Variants in PRR16 observed in about 807,000 individuals in gnomAD.
The protein encoded by PRR16 is protein Largen.
Under a neutral mutation model 18.2 loss-of-function variants are expected in PRR16, and 6 were observed. That is an observed-to-expected ratio of 0.33 (90% confidence interval 0.18 to 0.65). The LOEUF (loss-of-function observed/expected upper bound fraction) is 0.65, where lower values mean the gene tolerates loss of function less well. Ranked by LOEUF, PRR16 falls within the 30% of genes least tolerant of loss-of-function variation. PRR16 has a pLI of 0.74. For missense variants in PRR16, 412 were observed against 376.6 expected (o/e 1.09, Z -0.78); for synonymous variants, 151 against 147.8 (o/e 1.02, Z -0.16).
chr5:120,663,956 T>C (rs550180196), intron 1 of PRR16, among the ~76,000 whole-genome samples: 45 of 151,758 alleles, frequency 3.0e-4, no homozygotes, highest in Non-Finnish European at 5.8e-4. Context: ...ACTTAAAAAA[T>C]CAACTATATT....
At chr5:120,516,618 G>A (rs1240424035) in intron 1 of PRR16, among the ~76,000 whole-genome samples, 9 of 152,012 alleles carry the variant, frequency 5.9e-5, no homozygotes, top group South Asian at 2.1e-4. Flanking sequence ...AAAGTATGGC[G>A]TGCATGGACG....
intron 1 of PRR16, among the ~76,000 whole-genome samples, chr5:120,580,403 C>T (rs1315329153): frequency 6.6e-6 from 1 of 151,462 alleles, no homozygotes; most frequent in Non-Finnish European, 1.5e-5. Flanking sequence ...GAGATATATT[C>T]CATCAATACC....
intron 1 of PRR16, among the ~76,000 whole-genome samples, chr5:120,516,293 C>T (rs1007035823): frequency 1.3e-4 from 19 of 151,832 alleles, no homozygotes; most frequent in African/African-American, 3.9e-4. Context: ...GGTGTGGTGG[C>T]GGGTACCTGT....
At chr5:120,519,226 T>C (rs1317129547) in intron 1 of PRR16, among the ~76,000 whole-genome samples, 2 of 152,150 alleles carry the variant, frequency 1.3e-5, no homozygotes, top group Admixed American at 1.3e-4. Context: ...TTCAATACAG[T>C]ATTAATTTAT....
chr5:120,710,281 G>A, the PRR16 span, among the ~76,000 whole-genome samples: 60 of 152,234 alleles, frequency 3.9e-4, no homozygotes, highest in African/African-American at 1.3e-3. Context: ...ACCGGCTGGT[G>A]CATAGTACAT....
intron 1 of PRR16, among the ~76,000 whole-genome samples, chr5:120,657,901 G>A (rs539040766): frequency 1.3e-5 from 2 of 151,828 alleles, no homozygotes; most frequent in Non-Finnish European, 2.9e-5. Flanking sequence ...TCGCCATATG[G>A]GAAGGATATT....
At chr5:120,650,565 G>A (rs1323443577) in intron 1 of PRR16, among the ~76,000 whole-genome samples, 3 of 148,348 alleles carry the variant, frequency 2.0e-5, no homozygotes, top group Non-Finnish European at 4.4e-5. Context: ...ACCTATGAGT[G>A]AGAACATGTG....
chr5:120,493,646 A>T (rs1750143077), intron 1 of PRR16, among the ~76,000 whole-genome samples: 1 of 152,194 alleles, frequency 6.6e-6, no homozygotes, highest in Middle Eastern at 3.4e-3. Context: ...TGCCACAAGG[A>T]TCTCTCCTAT....
At chr5:120,573,738 G>C (rs899367837) in intron 1 of PRR16, among the ~76,000 whole-genome samples, 3 of 152,124 alleles carry the variant, frequency 2.0e-5, no homozygotes, top group African/African-American at 7.2e-5. Flanking sequence ...TACTCAAAAT[G>C]TCTGCAGCCA....
intron 1 of PRR16, among the ~76,000 whole-genome samples, chr5:120,476,561 T>C (rs1243141073): frequency 1.3e-5 from 2 of 152,254 alleles, no homozygotes; most frequent in South Asian, 2.1e-4. Flanking sequence ...AACTTGAAAA[T>C]TCAATTGCAT....
At chr5:120,709,832 A>G in the PRR16 span, among the ~76,000 whole-genome samples, 3 of 152,182 alleles carry the variant, frequency 2.0e-5, no homozygotes, top group Non-Finnish European at 4.4e-5. Flanking sequence ...TTTATTGCTC[A>G]ATAATATTCC....
In PRR16 at chr5:120,491,790, C is replaced by T. The variant is rs184803756; in HGVS notation, c.159+27145C>T. ...AACTGCTGACCTCAGGCAGTCTGCC[C>T]GCCTTGGCCTCCCAAAGTGCTGAGA... On this transcript the variant is annotated intron_variant, in intron 1 of 1. Coordinates refer to ENST00000407149, the MANE Select transcript of PRR16 (RefSeq NM_001300783.2). Among the ~76,000 whole-genome samples the T allele has an allele frequency of 1.1e-3, 175 of 152,256 alleles. 1 individual carries two copies. Among genetic ancestry groups the T allele is most frequent in the Middle Eastern group, 3.4e-3 (1 of 294 alleles).
the PRR16 span, among the ~76,000 whole-genome samples, chr5:120,758,709 G>A: frequency 1.3e-5 from 2 of 151,976 alleles, no homozygotes; most frequent in East Asian, 1.9e-4. Context: ...CCTCCTGTTG[G>A]TGTAACTGTC....
At chr5:120,656,244 A>G (rs777509459) in intron 1 of PRR16, among the ~76,000 whole-genome samples, 2 of 151,910 alleles carry the variant, frequency 1.3e-5, no homozygotes, top group Non-Finnish European at 2.9e-5. Context: ...TCTTCAGGCA[A>G]TCATGGAAGA....
chr5:120,593,119 G>T (rs1005441914), intron 1 of PRR16, among the ~76,000 whole-genome samples: 6 of 151,852 alleles, frequency 4.0e-5, no homozygotes, highest in African/African-American at 1.4e-4. Flanking sequence ...AGAAGCAAGA[G>T]CAAAGAAACC....
the PRR16 span, among the ~76,000 whole-genome samples, chr5:120,746,232 A>T: frequency 6.6e-6 from 1 of 151,984 alleles, no homozygotes; most frequent in East Asian, 1.9e-4. Context: ...GGCCCAGGTG[A>T]CCAGAACTGT....
chr5:120,529,933 T>A (rs1296268244), intron 1 of PRR16, among the ~76,000 whole-genome samples: 1 of 151,770 alleles, frequency 6.6e-6, no homozygotes, highest in Non-Finnish European at 1.5e-5. Flanking sequence ...TAACATTAAC[T>A]TTTTTACTAT....
chr5:120,484,547 AATT>A (rs2112815118), intron 1 of PRR16, among the ~76,000 whole-genome samples: 2 of 145,916 alleles, frequency 1.4e-5, no homozygotes, highest in East Asian at 2.0e-4. Context: ...TGTCATATAT[AATT>A]ATATATTGTA....
the PRR16 span, among the ~76,000 whole-genome samples, chr5:120,777,984 T>C: frequency 6.6e-6 from 1 of 152,164 alleles, no homozygotes; most frequent in Non-Finnish European, 1.5e-5. Context: ...TATTTAATTC[T>C]GAACATAGTA....
Sources: allele counts gnomAD v4.1 joint callset (sites outside exome capture counted in the v4.1 genomes callset), GRCh38; gene constraint gnomAD v4.1.1; transcripts MANE v1.5; gene names NCBI Gene and HGNC (gene_info 2026-07-23, HGNC 2026-07-21).